The following ANAPC4 variants were observed in gnomAD, a reference collection of about 807,000 sequenced individuals.
The protein encoded by ANAPC4 is anaphase-promoting complex subunit 4.
Under a neutral mutation model 119.8 loss-of-function variants are expected in ANAPC4, and 63 were observed. The ratio of observed to expected loss-of-function variants is 0.53; its 90% CI spans 0.43 to 0.65. The LOEUF (loss-of-function observed/expected upper bound fraction) is 0.65. ANAPC4 is among the 30% of genes least tolerant of loss of function. ANAPC4 has a pLI of 0.00. For missense variants in ANAPC4, 716 were observed against 945.1 expected, an observed-to-expected ratio of 0.76 and a Z score of 3.18; for synonymous variants, 283 against 318.6, an observed-to-expected ratio of 0.89 and a Z score of 1.19.
intron 16 of ANAPC4, among the ~76,000 whole-genome samples, chr4:25,400,246 TAAA>T (rs895264044): frequency 6.6e-6 from 1 of 151,754 alleles, no homozygotes; most frequent in Non-Finnish European, 1.5e-5. Flanking sequence ...ATCTAGAAGG[TAAA>T]AAATTGAGAT....
At chr4:25,386,058 C>G (rs1202823740) in intron 4 of ANAPC4, among the ~76,000 whole-genome samples, 1 of 152,070 alleles carries the variant, frequency 6.6e-6, no homozygotes, top group Non-Finnish European at 1.5e-5. Context: ...GGATTACAGA[C>G]ATGCGCCACC....
chr4:25,384,726 T>A (rs1295279587), intron 4 of ANAPC4, among the ~76,000 whole-genome samples: 1 of 150,306 alleles, frequency 6.7e-6, no homozygotes, highest in Non-Finnish European at 1.5e-5. Flanking sequence ...CACCTGACCC[T>A]AAGGAGGTTG....
chr4:25,386,060 T>A (rs991579944), intron 4 of ANAPC4, among the ~76,000 whole-genome samples: 7 of 152,078 alleles, frequency 4.6e-5, no homozygotes, highest in Admixed American at 1.3e-4. Context: ...ATTACAGACA[T>A]GCGCCACCAC....
At chr4:25,393,748 G>C in intron 10 of ANAPC4, 57 bp from the exon 11 acceptor site, 1 of 1,036,642 alleles carries the variant, frequency 9.6e-7, no homozygotes, top group Non-Finnish European at 1.4e-6. Context: ...ATATTATTTA[G>C]ATAGCAAGTT....
At chr4:25,393,686 C>A in intron 10 of ANAPC4, 119 bp from the exon 11 acceptor site, 2 of 554,464 alleles carry the variant, frequency 3.6e-6, no homozygotes, top group Middle Eastern at 3.6e-4. Context: ...AAAAATAAAA[C>A]AGTGATTGAA....
Position 25,390,958 on chromosome 4 carries a change from A to C in ANAPC4, c.648A>C (p.Ser216=). Residue 216 remains serine, a synonymous_variant, in exon 9 of 29, where the codon TCA becomes TCC. Transcript: ENST00000315368. ...TATGTTTATCAAGTGATTTGAAATC[A>C]TTATCAGTGGTCACAGAAGTCTCTA... ...LALCLSSDLK[S]LSVVTEVSTN... is the part of the protein sequence containing the mutation. 1 of 1,614,052 alleles carries C rather than the reference A, an allele frequency of 6.2e-7. No individual in the cohort carries two copies. The highest frequency in any genetic ancestry group is 2.2e-5 in the East Asian group (1 of 44,876).
At chr4:25,404,949 A>G (rs1723174922) in intron 17 of ANAPC4, among the ~76,000 whole-genome samples, 1 of 152,030 alleles carries the variant, frequency 6.6e-6, no homozygotes. Context: ...TTGCAAAAGT[A>G]CTTCTGACTT....
Position 25,388,724 on chromosome 4 carries a change from A to G in ANAPC4, c.451A>G (p.Asn151Asp). 1 of 1,607,624 alleles carries G rather than the reference A, an allele frequency of 6.2e-7. No homozygotes were observed. Among genetic ancestry groups the G allele is most frequent in the Non-Finnish European group, 8.5e-7 (1 of 1,176,254 alleles). The change falls in exon 6 of 29, where the codon AAC becomes GAC. Residue 151 changes from asparagine to aspartate, a missense_variant. By Grantham distance (23) the Asn-to-Asp change is conservative. Around this residue, in one of 3 missense-constraint regions of ANAPC4, gnomAD observed 202 missense variants for 293.5 expected, o/e 0.69. Coordinates refer to ENST00000315368, the MANE Select transcript of ANAPC4 (RefSeq NM_013367.3). ...ATCTCTGTTTCCTTCTAGCTATAGC[A>G]ACACCTCAAAAATATTTAGGTAAGA... ...KLPTLPKNYS[N>D]TSKIFSEENS...
chr4:25,418,434 T>C lies in ANAPC4; in HGVS notation c.*52T>C, dbSNP rs570132884. The C allele has an allele frequency of 1.0e-5, 15 of 1,483,944 alleles. No individual in the cohort carries two copies. The African/African-American group carries it at 2.0e-4, about 19-fold the overall frequency. 91.9% of individuals were successfully genotyped at this position (1,483,944 alleles called of 1,614,324 possible). A position where few individuals can be genotyped will look rare whatever the true frequency, so the allele number is the denominator to read the frequency against. ...ATTATGGCCAAAAGGACATAGGAGA[T>C]GGACTAAGATGTCTTGGACCACCTT... On this transcript the variant is annotated 3_prime_UTR_variant, in exon 29 of 29. Coordinates refer to ENST00000315368, the MANE Select transcript of ANAPC4 (RefSeq NM_013367.3).
At position 25,380,784 on chromosome 4, in the gene ANAPC4, G is replaced by A. The variant is rs936415210; in HGVS notation, c.235+305G>A. The stretch of plus-strand genomic sequence containing the variant: ...GTTCTTTCCACTGTCATCTTGTCCT[G>A]TATTATTTGGCCCAAGCACCACTTG... On this transcript the variant is annotated intron_variant, in intron 3 of 28. Coordinates refer to ENST00000315368, the MANE Select transcript of ANAPC4 (RefSeq NM_013367.3). Among the ~76,000 whole-genome samples the A allele has an allele frequency of 5.3e-5, 8 of 152,186 alleles. 1 individual carries two copies. Among genetic ancestry groups the A allele is most frequent in the African/African-American group, 1.9e-4 (8 of 41,442 alleles).
chr4:25,383,060 T>G (rs1178227134), intron 3 of ANAPC4, among the ~76,000 whole-genome samples: 1 of 152,124 alleles, frequency 6.6e-6, no homozygotes, highest in Non-Finnish European at 1.5e-5. Flanking sequence ...TTTGAGCACT[T>G]GAAAATAAGC....
chr4:25,394,519 C>G, intron 12 of ANAPC4, 145 bp downstream of exon 12: 2 of 1,003,078 alleles, frequency 2.0e-6, no homozygotes. Flanking sequence ...TACATACTTA[C>G]GGGGTATATG....
At chr4:25,387,567 G>A (rs907674864) in intron 4 of ANAPC4, among the ~76,000 whole-genome samples, 24 of 152,210 alleles carry the variant, frequency 1.6e-4, no homozygotes, top group African/African-American at 3.9e-4. Context: ...TATCTGCTGT[G>A]TGTATTCCCA....
Position 25,416,483 on chromosome 4 carries a change from A to G in ANAPC4, c.1960A>G (p.Lys654Glu). The change falls in exon 27 of 29, where the codon AAA becomes GAA. Residue 654 changes from lysine (K) to glutamate (E), a missense_variant. Transcript: ENST00000315368. ...TGATGAAACTGTAACAGTAGTTCTTAAAGACACTGTAGGACGTGAAGGAAG... is the reference window on the plus strand; with the variant it reads ...TGATGAAACTGTAACAGTAGTTCTTGAAGACACTGTAGGACGTGAAGGAAG... ...YDDETVTVVLKDTVGREGRDR... is the reference protein window; with the variant it reads ...YDDETVTVVLEDTVGREGRDR... 6.2e-7 allele frequency: 1 copy of G among 1,603,790 alleles called. No homozygotes were observed. Among genetic ancestry groups the G allele is most frequent in the Non-Finnish European group, 8.5e-7 (1 of 1,172,814 alleles).
Position 25,414,492 on chromosome 4 carries a change from A to C in ANAPC4, c.1712A>C (p.Lys571Thr). ...GAGGATTCTACACGTAGATTGTTCA[A>C]ATTTCCTTTTCTGTAAGTATATATT... ...RSEDSTRRLF[K>T]FPFLWNNKTS... The change falls in exon 24 of 29, where the codon AAA becomes ACA. Residue 571 changes from lysine to threonine, a missense_variant. Lys to Thr is a moderately conservative substitution (Grantham distance 78). Around this residue, in one of 3 missense-constraint regions of ANAPC4, gnomAD observed 504 missense variants for 615.8 expected, o/e 0.82. Coordinates refer to ENST00000315368, the MANE Select transcript of ANAPC4 (RefSeq NM_013367.3). The C allele has an allele frequency of 6.2e-7, 1 of 1,600,884 alleles. No individual in the cohort carries two copies. The highest frequency in any genetic ancestry group is 8.5e-7 in the Non-Finnish European group (1 of 1,170,496).
intron 22 of ANAPC4, 31 bp downstream of exon 22, chr4:25,413,773 T>C (rs766468112): frequency 1.3e-6 from 2 of 1,508,222 alleles, no homozygotes; most frequent in East Asian, 4.5e-5. Context: ...TGTCTTTGTG[T>C]AGGAGCAATA....
chr4:25,402,882 G>T, intron 16 of ANAPC4, 89 bp from the exon 17 acceptor site: 1 of 683,614 alleles, frequency 1.5e-6, no homozygotes, highest in Non-Finnish European at 2.4e-6. Context: ...AGAACAGTAA[G>T]GATTATGATA....
intron 3 of ANAPC4, 23 bp downstream of exon 3, chr4:25,380,502 AAT>A: frequency 6.4e-7 from 1 of 1,551,152 alleles, no homozygotes; most frequent in African/African-American, 1.4e-5. Flanking sequence ...TTACAAAAAA[AAT>A]ATGTTTTTAT....
At chr4:25,390,098 T>C (rs1465262072) in intron 7 of ANAPC4, 38 bp from the exon 8 acceptor site, 4 of 1,359,750 alleles carry the variant, frequency 2.9e-6, no homozygotes, top group Non-Finnish European at 3.1e-6. Context: ...ATCTGTGTTG[T>C]TGATTGGTTC....
Sources: allele counts gnomAD v4.1 joint callset (sites outside exome capture counted in the v4.1 genomes callset), GRCh38; gene constraint gnomAD v4.1.1; regional missense constraint gnomAD v4.1.1; transcripts MANE v1.5; gene names NCBI Gene and HGNC (gene_info 2026-07-23, HGNC 2026-07-21).